The following NAALADL2 variants were observed in gnomAD, a reference collection of about 807,000 sequenced individuals.
The protein encoded by NAALADL2 is N-acetylated alpha-linked acidic dipeptidase like 2, also known as inactive N-acetylated-alpha-linked acidic dipeptidase-like protein 2.
In NAALADL2, 76 loss-of-function variants were observed where a neutral mutation model predicts 87.2. That is an observed-to-expected ratio of 0.87 (90% confidence interval 0.72 to 1.05). The LOEUF (loss-of-function observed/expected upper bound fraction) is 1.05, where lower values mean the gene tolerates loss of function less well. Ranked by LOEUF, NAALADL2 falls within the 50% of genes least tolerant of loss-of-function variation. The pLI is 0.00. For missense variants in NAALADL2, 1,089 were observed against 945.8 expected (o/e 1.15, Z -1.99); for synonymous variants, 354 against 331.0 (o/e 1.07, Z -0.75).
intron 1 of NAALADL2, among the ~76,000 whole-genome samples, chr3:174,936,269 T>A (rs541054719): frequency 1.3e-5 from 2 of 152,242 alleles, no homozygotes; most frequent in African/African-American, 4.8e-5. Context: ...AGGTGTTTTC[T>A]ATATTTCAGG....
intron 2 of NAALADL2, among the ~76,000 whole-genome samples, chr3:175,133,525 G>A (rs1434607981): frequency 1.3e-5 from 2 of 152,224 alleles, no homozygotes; most frequent in Non-Finnish European, 2.9e-5. Context: ...CTGGAGACCA[G>A]CCCGGTCAAC....
intron 2 of NAALADL2, among the ~76,000 whole-genome samples, chr3:175,229,457 A>C (rs1263867993): frequency 6.6e-6 from 1 of 151,990 alleles, no homozygotes; most frequent in African/African-American, 2.4e-5. Context: ...CATTATCTTA[A>C]TTTGTTCAGG....
chr3:174,865,133 A>G (rs1176558102), intron 1 of NAALADL2, among the ~76,000 whole-genome samples: 1 of 152,006 alleles, frequency 6.6e-6, no homozygotes, highest in Non-Finnish European at 1.5e-5. Flanking sequence ...TTGAAAAGTA[A>G]TTTACCTGCC....
intron 1 of NAALADL2, among the ~76,000 whole-genome samples, chr3:175,017,550 C>G (rs1287601912): frequency 6.6e-6 from 1 of 152,008 alleles, no homozygotes; most frequent in Admixed American, 6.6e-5. Context: ...GGTTGATCCT[C>G]CAAAGTTCTC....
chr3:174,674,846 C>T (rs546661478), intron 2 of NAALADL2, among the ~76,000 whole-genome samples: 1 of 152,096 alleles, frequency 6.6e-6, no homozygotes, highest in South Asian at 2.1e-4. Flanking sequence ...AGGCTTATAA[C>T]TGACTTTATT....
chr3:175,197,160 A>AT (rs766763299), intron 2 of NAALADL2, among the ~76,000 whole-genome samples: 11 of 151,996 alleles, frequency 7.2e-5, no homozygotes, highest in Non-Finnish European at 1.6e-4. Context: ...CTACAAAATT[A>AT]TTACAGTCAT....
In NAALADL2 at chr3:175,481,567, T is replaced by C. The variant is rs541224650; in HGVS notation, c.1653+9809T>C. The stretch of plus-strand genomic sequence containing the variant: ...TATTTTTTATAAAGACAAACATATA[T>C]CAGTCATATTACTCAACAGTCACAA... On this transcript the variant is annotated intron_variant, in intron 9 of 13. Coordinates refer to ENST00000454872, the MANE Select transcript of NAALADL2 (RefSeq NM_207015.3). Among the ~76,000 whole-genome samples, 5 of 151,908 alleles carry C rather than the reference T, an allele frequency of 3.3e-5. No individual in the cohort carries two copies. In the East Asian group the frequency reaches 9.7e-4, roughly 29 times the overall value.
chr3:175,619,162 G>A (rs1024924048), intron 10 of NAALADL2, among the ~76,000 whole-genome samples: 10 of 151,226 alleles, frequency 6.6e-5, no homozygotes, highest in Non-Finnish European at 1.3e-4. Context: ...CCTATCACAA[G>A]CAGTATGCTA....
At chr3:175,038,112 G>C (rs1055887506) in intron 1 of NAALADL2, among the ~76,000 whole-genome samples, 1 of 151,932 alleles carries the variant, frequency 6.6e-6, no homozygotes, top group South Asian at 2.1e-4. Flanking sequence ...TTTTTTCTTA[G>C]AGTAAAAGCC....
At position 175,650,845 on chromosome 3, in the gene NAALADL2, G is replaced by C. The variant is rs183250973; in HGVS notation, c.1896+23459G>C. Among the ~76,000 whole-genome samples, 3 of 152,278 alleles carry C rather than the reference G, an allele frequency of 2.0e-5. No homozygotes were observed. The South Asian group carries it at 6.2e-4, about 32-fold the overall frequency. On this transcript the variant is annotated intron_variant, in intron 11 of 13. Coordinates refer to ENST00000454872, the MANE Select transcript of NAALADL2 (RefSeq NM_207015.3). ...TACTAGGAAAGGAAACATTTAGGGT[G>C]TTATAACATGGTATAACCCAAACCG...
At chr3:175,749,989 T>C (rs1265632549) in intron 12 of NAALADL2, among the ~76,000 whole-genome samples, 1 of 152,194 alleles carries the variant, frequency 6.6e-6, no homozygotes, top group African/African-American at 2.4e-5. Flanking sequence ...CTTTAGAGGC[T>C]ACTCCACAAA....
chr3:175,506,788 A>C (rs1316788263), intron 9 of NAALADL2, among the ~76,000 whole-genome samples: 1 of 152,310 alleles, frequency 6.6e-6, no homozygotes, highest in Non-Finnish European at 1.5e-5. Flanking sequence ...TCATGCATAA[A>C]TATTCTTGTC....
intron 2 of NAALADL2, among the ~76,000 whole-genome samples, chr3:174,611,923 C>CTTT (rs796158684): frequency 6.9e-6 from 1 of 144,884 alleles, no homozygotes. Flanking sequence ...GATTAATGTC[C>CTTT]TTTTTTTTTT....
intron 5 of NAALADL2, among the ~76,000 whole-genome samples, chr3:175,391,709 G>A (rs1769097725): frequency 6.6e-6 from 1 of 152,116 alleles, no homozygotes; most frequent in African/African-American, 2.4e-5. Context: ...AAGCTGCTGA[G>A]TTTGCAAATG....
intron 9 of NAALADL2, among the ~76,000 whole-genome samples, chr3:175,472,164 C>T (rs978139600): frequency 2.0e-5 from 3 of 151,028 alleles, no homozygotes; most frequent in Non-Finnish European, 4.4e-5. Context: ...TTTACAACTG[C>T]TGTGTAGGCC....
At chr3:174,458,719 T>TA (rs1716009292) in intron 1 of NAALADL2, 2 of 152,222 alleles carry the variant, frequency 1.3e-5, no homozygotes, top group Admixed American at 6.5e-5. Flanking sequence ...AGTTTTCTGA[T>TA]ATCTGCTCAT....
chr3:175,545,860 A>T (rs1446007834), intron 9 of NAALADL2, among the ~76,000 whole-genome samples: 1 of 152,144 alleles, frequency 6.6e-6, no homozygotes, highest in Non-Finnish European at 1.5e-5. Flanking sequence ...TTTCCATTCC[A>T]TATCACCATA....
chr3:174,837,526 G>A (rs1457143552), intron 3 of NAALADL2, among the ~76,000 whole-genome samples: 1 of 152,172 alleles, frequency 6.6e-6, no homozygotes, highest in African/African-American at 2.4e-5. Context: ...GGCCACAGTG[G>A]CTCACGCCTG....
intron 2 of NAALADL2, among the ~76,000 whole-genome samples, chr3:175,216,167 T>C (rs1330680226): frequency 2.6e-5 from 4 of 152,156 alleles, no homozygotes; most frequent in South Asian, 4.1e-4. Context: ...AGAAATAGTA[T>C]AAATGCACAC....
Sources: allele counts gnomAD v4.1 joint callset (sites outside exome capture counted in the v4.1 genomes callset), GRCh38; gene constraint gnomAD v4.1.1; transcripts MANE v1.5; gene names NCBI Gene and HGNC (gene_info 2026-07-23, HGNC 2026-07-21).